HTN3: variants seen among roughly 807,000 people sequenced by gnomAD.
HTN3 encodes the protein histatin 3.
Under a neutral mutation model 10.6 loss-of-function variants are expected in HTN3, and 15 were observed. That is an observed-to-expected ratio of 1.42 (90% CI 0.95 to 2.18). The LOEUF (loss-of-function observed/expected upper bound fraction) is 2.18, where lower values mean the gene tolerates loss of function less well. Among genes scored for constraint, HTN3 ranks in the 30% most tolerant of loss-of-function variants. The probability of loss-of-function intolerance (pLI) is 0.00; values close to 1 mark genes in which losing one functional copy is unlikely to be tolerated. For missense variants in HTN3, 68 were observed against 58.0 expected, an observed-to-expected ratio of 1.17 and a Z score of -0.56; for synonymous variants, 15 against 16.9, an observed-to-expected ratio of 0.89 and a Z score of 0.27.
At chr4:70,029,727 T>G (rs192494794) in intron 1 of HTN3, among the ~76,000 whole-genome samples, 10,696 of 152,200 alleles carry the variant, frequency 0.07, 1,268 homozygotes, top group African/African-American at 0.25. Context: ...AGAACTGGAT[T>G]CACTTGCATA....
chr4:70,028,495 G>A lies in HTN3; in HGVS notation c.-35G>A, dbSNP rs1446655244. 2 of 152,032 alleles carry A rather than the reference G, an allele frequency of 1.3e-5. No homozygotes were observed. Among genetic ancestry groups the A allele is most frequent in the Non-Finnish European group, 2.9e-5 (2 of 68,002 alleles). The allele number at this position is 152,032 out of a possible 1,614,324, so 9.4% of individuals were successfully genotyped here. On this transcript the variant is annotated 5_prime_UTR_variant, in exon 1 of 6. Coordinates refer to ENST00000673563, the MANE Select transcript of HTN3 (RefSeq NM_000200.3). ...CTTCACTTCAGCTTCACTGACTTCTGGATTCTCCTCTTGAGTAAAAGGTAA... is the reference window on the plus strand; with the variant it reads ...CTTCACTTCAGCTTCACTGACTTCTAGATTCTCCTCTTGAGTAAAAGGTAA...
intron 1 of HTN3, among the ~76,000 whole-genome samples, chr4:70,030,361 C>G (rs1429270604): frequency 1.3e-5 from 2 of 152,100 alleles, no homozygotes; most frequent in Non-Finnish European, 2.9e-5. Flanking sequence ...GCCCTGGGCT[C>G]ACACCGAAGA....
chr4:70,032,141 A>C (rs764955288), intron 4 of HTN3, 34 bp downstream of exon 4: 4 of 1,379,950 alleles, frequency 2.9e-6, no homozygotes, highest in Non-Finnish European at 4.1e-6. Context: ...CACTCTGAAT[A>C]AGTTTTCTTC....
rs748491364 is a variant in HTN3 at position 70,032,100 on chromosome 4, A to T, written c.95A>T (p.Lys32Ile). The T allele has an allele frequency of 7.9e-6, 12 of 1,515,404 alleles. No individual in the cohort carries two copies. The Admixed American group carries it at 1.0e-4, about 13-fold the overall frequency. 93.9% of individuals were successfully genotyped at this position (1,515,404 alleles called of 1,614,324 possible). ...TAGAGACATCATGGGTATAAAAGAA[A>T]ATTCCATGTAAGTGTTCTTCTGATA... Reference protein sequence around the residue: ...HAKRHHGYKRKFHEKHHSHRG... With the variant: ...HAKRHHGYKRIFHEKHHSHRG... The change falls in exon 4 of 6, where the codon AAA becomes ATA. Residue 32 changes from lysine (K) to isoleucine (I), a missense_variant. Physicochemically the swap from Lys to Ile is moderately radical, Grantham distance 102. Transcript: ENST00000673563.
At chr4:70,032,223 T>G in intron 4 of HTN3, 116 bp downstream of exon 4, 1 of 747,378 alleles carries the variant, frequency 1.3e-6, no homozygotes, top group South Asian at 1.8e-5. Context: ...ATTGCTAAAG[T>G]GTACATTGAT....
intron 2 of HTN3, chr4:70,031,300 T>G: frequency 6.5e-6 from 1 of 154,700 alleles, no homozygotes; most frequent in Non-Finnish European, 1.4e-5. Context: ...TGTCATGAGT[T>G]CCCAGCTTGT....
At chr4:70,034,182 G>C (rs1725453566) in intron 5 of HTN3, 1 of 152,116 alleles carries the variant, frequency 6.6e-6, no homozygotes, top group African/African-American at 2.4e-5. Context: ...AAAAGCAATG[G>C]CAACAAAAGC....
In HTN3 at chr4:70,030,589, T is replaced by A. The variant is rs1187908897; in HGVS notation, c.-13-139T>A. On this transcript the variant is annotated intron_variant, in intron 1 of 5. Coordinates refer to ENST00000673563, the MANE Select transcript of HTN3 (RefSeq NM_000200.3). ...CCAGGTGGTCCAGGATGCAGTGATC[T>A]GTGCTCATGCCCCTGCACTCCAGCC... is the stretch of plus-strand genomic sequence containing the variant. 7 of 642,064 alleles carry A rather than the reference T, an allele frequency of 1.1e-5. No homozygotes were observed. The East Asian group carries it at 1.7e-4, about 16-fold the overall frequency. The allele number at this position is 642,064 out of a possible 1,614,324, so 39.8% of individuals were successfully genotyped here. A position where few individuals can be genotyped will look rare whatever the true frequency, so the allele number is the denominator to read the frequency against.
chr4:70,033,932 C>T (rs1332681122), intron 5 of HTN3: 2 of 151,956 alleles, frequency 1.3e-5, no homozygotes, highest in South Asian at 4.1e-4. Flanking sequence ...CTACGACAAT[C>T]CTGACAAAAA....
intron 1 of HTN3, among the ~76,000 whole-genome samples, chr4:70,029,957 A>G (rs1252273730): frequency 6.6e-6 from 1 of 152,172 alleles, no homozygotes; most frequent in Non-Finnish European, 1.5e-5. Context: ...GCTCATATTC[A>G]CTGACTTTAT....
At chr4:70,036,155 T>G (rs1284704273) in intron 5 of HTN3, 112 bp from the exon 6 acceptor site, 1 of 152,216 alleles carries the variant, frequency 6.6e-6, no homozygotes, top group Non-Finnish European at 1.5e-5. Flanking sequence ...GGTCCCTGCA[T>G]TATAATAAAT....
At chr4:70,035,492 C>T (rs2109711572) in intron 5 of HTN3, among the ~76,000 whole-genome samples, 1 of 152,242 alleles carries the variant, frequency 6.6e-6, no homozygotes, top group East Asian at 1.9e-4. Flanking sequence ...GTTTTCTGTC[C>T]TAAAATGTAA....
chr4:70,034,407 G>A (rs188604252), intron 5 of HTN3: 81 of 152,290 alleles, frequency 5.3e-4, no homozygotes, highest in African/African-American at 1.9e-3. Flanking sequence ...GATATGAACA[G>A]ACACTTCTCA....
chr4:70,033,369 G>T, intron 5 of HTN3, 116 bp downstream of exon 5: 2 of 579,304 alleles, frequency 3.5e-6, no homozygotes, highest in Non-Finnish European at 6.0e-6. Context: ...GAAATGTAGC[G>T]TGGGTTAGCT....
At chr4:70,029,693 G>A (rs1256821369) in intron 1 of HTN3, among the ~76,000 whole-genome samples, 6 of 151,586 alleles carry the variant, frequency 4.0e-5, no homozygotes, top group Non-Finnish European at 7.4e-5. Flanking sequence ...TAAGTAATCC[G>A]CTTTACTTTT....
intron 2 of HTN3, 34 bp downstream of exon 2, chr4:70,030,825 C>A (rs763201826): frequency 2.0e-6 from 3 of 1,485,640 alleles, no homozygotes; most frequent in Admixed American, 3.4e-5. Context: ...AGGATACATT[C>A]TCAGTACTTA....
chr4:70,031,562 A>AAAC (rs1188110925), intron 2 of HTN3, among the ~76,000 whole-genome samples: 1 of 152,188 alleles, frequency 6.6e-6, no homozygotes, highest in African/African-American at 2.4e-5. Context: ...GTAGAAAAAT[A>AAAC]AACATATAAG....
At chr4:70,033,971 A>G (rs1039065661) in intron 5 of HTN3, 4 of 152,272 alleles carry the variant, frequency 2.6e-5, no homozygotes, top group African/African-American at 9.6e-5. Context: ...TCTCCTAGTC[A>G]ATAAATGGTA....
chr4:70,032,661 G>T (rs1212141607), intron 4 of HTN3, among the ~76,000 whole-genome samples: 1 of 151,782 alleles, frequency 6.6e-6, no homozygotes, highest in South Asian at 2.1e-4. Flanking sequence ...GCAAGTATAT[G>T]TGTTAAAAAA....
Sources: gnomAD v4.1 joint callset for allele counts (sites outside exome capture counted in the v4.1 genomes callset) on GRCh38, gnomAD v4.1.1 for gene constraint, MANE v1.5 for transcripts, NCBI Gene and HGNC (gene_info 2026-07-23, HGNC 2026-07-21) for gene names.